PSD3: variants seen among roughly 807,000 people sequenced by gnomAD.
PSD3 encodes the protein PH and SEC7 domain-containing protein 3.
In PSD3, 49 loss-of-function variants were observed where a neutral mutation model predicts 105.5. The observed-to-expected ratio is 0.46, with a 90% CI of 0.37 to 0.59. The LOEUF (loss-of-function observed/expected upper bound fraction) is 0.59. Among genes scored for constraint, PSD3 ranks in the 20% least tolerant of loss-of-function variants. The pLI is 0.00. For synonymous variants in PSD3, 557 were observed against 457.8 expected (o/e 1.22, Z -2.77); for missense variants, 1,561 against 1,263.8 (o/e 1.24, Z -3.57).
intron 11 of PSD3, among the ~76,000 whole-genome samples, chr8:18,606,137 A>C (rs1029825968): frequency 6.6e-6 from 1 of 152,178 alleles, no homozygotes; most frequent in African/African-American, 2.4e-5. Flanking sequence ...TTATTTTGAA[A>C]AACCTGTAGA....
At chr8:18,777,234 G>A (rs1258207038) in intron 8 of PSD3, among the ~76,000 whole-genome samples, 1 of 151,966 alleles carries the variant, frequency 6.6e-6, no homozygotes, top group African/African-American at 2.4e-5. Context: ...GTAGAGACAG[G>A]GTTTCACCAT....
chr8:18,594,667 G>A (rs185528576), intron 12 of PSD3, among the ~76,000 whole-genome samples: 59 of 151,088 alleles, frequency 3.9e-4, no homozygotes, highest in African/African-American at 1.3e-3. Context: ...TTTGTTCTAG[G>A]ACCCCTGATG....
chr8:18,586,750 T>C (rs935358313), intron 12 of PSD3, among the ~76,000 whole-genome samples: 1 of 152,108 alleles, frequency 6.6e-6, no homozygotes, highest in Non-Finnish European at 1.5e-5. Context: ...ACCCCCCTCA[T>C]TTATCCCCAA....
At chr8:18,661,990 A>G (rs916367392) in intron 9 of PSD3, among the ~76,000 whole-genome samples, 1 of 147,584 alleles carries the variant, frequency 6.8e-6, no homozygotes, top group South Asian at 2.2e-4. Context: ...ACATGCTTGA[A>G]TTTTTTTTTT....
At chr8:19,081,202 G>A (rs1240492949) in intron 1 of PSD3, among the ~76,000 whole-genome samples, 1 of 151,656 alleles carries the variant, frequency 6.6e-6, no homozygotes, top group Non-Finnish European at 1.5e-5. Context: ...ACCCTGAGCT[G>A]AGACTCCACG....
chr8:18,762,881 A>T, intron 9 of PSD3: 1 of 1,226,116 alleles, frequency 8.2e-7, no homozygotes, highest in South Asian at 1.3e-5. Flanking sequence ...ACAACAAAAA[A>T]ACAGAATTTG....
chr8:18,857,910 G>T (rs969453716), intron 4 of PSD3, among the ~76,000 whole-genome samples: 2 of 152,118 alleles, frequency 1.3e-5, no homozygotes, highest in Admixed American at 6.5e-5. Context: ...AGAGCGTCAG[G>T]CACAGGCATA....
At chr8:18,803,157 C>T (rs779272088) in intron 6 of PSD3, 26 of 240,804 alleles carry the variant, frequency 1.1e-4, no homozygotes, top group Non-Finnish European at 1.8e-4. Context: ...TGTGGTGGTG[C>T]GTACCTGTAG....
intron 1 of PSD3, among the ~76,000 whole-genome samples, chr8:18,986,853 AG>A (rs1825523069): frequency 1.3e-5 from 2 of 152,166 alleles, no homozygotes; most frequent in South Asian, 4.1e-4. Flanking sequence ...CTAATCCATG[AG>A]GACTTGAGGA....
At chr8:18,937,920 G>T (rs1003185383) in intron 1 of PSD3, among the ~76,000 whole-genome samples, 2 of 152,044 alleles carry the variant, frequency 1.3e-5, no homozygotes, top group African/African-American at 2.4e-5. Context: ...AAGGCCATAC[G>T]CATGGCCTTA....
At chr8:18,704,332 A>C (rs1261244777) in intron 9 of PSD3, among the ~76,000 whole-genome samples, 1 of 152,184 alleles carries the variant, frequency 6.6e-6, no homozygotes, top group Non-Finnish European at 1.5e-5. Flanking sequence ...CTCCGTGTAT[A>C]AAGGAAAATA....
chr8:19,032,819 C>T (rs1322840912), intron 1 of PSD3, among the ~76,000 whole-genome samples: 1 of 152,040 alleles, frequency 6.6e-6, no homozygotes, highest in Non-Finnish European at 1.5e-5. Context: ...AATTACATCT[C>T]ACTTTTTGTG....
chr8:19,062,774 A>C (rs17127759), intron 1 of PSD3, among the ~76,000 whole-genome samples: 24,255 of 152,186 alleles, frequency 0.16, 3,092 homozygotes, highest in African/African-American at 0.35. Flanking sequence ...ATTGACCAAA[A>C]TCAGGTAGAT....
chr8:18,626,674 C>A (rs1181640064), intron 11 of PSD3, among the ~76,000 whole-genome samples: 4 of 152,204 alleles, frequency 2.6e-5, no homozygotes, highest in African/African-American at 9.6e-5. Context: ...TAGTGACCAT[C>A]TCTCAAAAGA....
At position 19,079,695 on chromosome 8, in the gene PSD3, C is replaced by A. The variant is rs141311463; in HGVS notation, c.324+4511G>T. ...AGGACAGACGGCTTGCAATACCGGTCCAAAATTCTGTGGTGGGAATTTGTA... is the reference window on the plus strand; with the variant it reads ...AGGACAGACGGCTTGCAATACCGGTACAAAATTCTGTGGTGGGAATTTGTA... On this transcript the variant is annotated intron_variant, in intron 1 of 1. Coordinates refer to the PSD3 transcript ENST00000521475. Among the ~76,000 whole-genome samples the A allele has an allele frequency of 3.5e-4, 53 of 152,110 alleles. 1 individual carries two copies. In the East Asian group the frequency reaches 8.9e-3, roughly 26 times the overall value.
At chr8:18,691,836 CTAAG>C (rs1283082476) in intron 9 of PSD3, among the ~76,000 whole-genome samples, 1 of 152,120 alleles carries the variant, frequency 6.6e-6, no homozygotes, top group Non-Finnish European at 1.5e-5. Context: ...AAATTATTCT[CTAAG>C]TAAAAAACAA....
chr8:18,751,023 A>T (rs1011854183), intron 9 of PSD3, among the ~76,000 whole-genome samples: 2 of 152,092 alleles, frequency 1.3e-5, no homozygotes, highest in Admixed American at 6.5e-5. Context: ...GCTGCCTGCC[A>T]GTCCTGCGCG....
At chr8:18,861,542 C>T (rs1355946578) in intron 4 of PSD3, among the ~76,000 whole-genome samples, 3 of 152,110 alleles carry the variant, frequency 2.0e-5, no homozygotes, top group African/African-American at 7.2e-5. Flanking sequence ...ACTAGGTGTC[C>T]TCCTACCAAC....
chr8:18,773,588 A>T (rs999832285), intron 8 of PSD3, among the ~76,000 whole-genome samples: 3 of 152,142 alleles, frequency 2.0e-5, no homozygotes, highest in Non-Finnish European at 2.9e-5. Context: ...AAAAAAATTA[A>T]GTCTTCCAGT....
Sources: allele counts gnomAD v4.1 joint callset (sites outside exome capture counted in the v4.1 genomes callset), GRCh38; gene constraint gnomAD v4.1.1; transcripts MANE v1.5; gene names NCBI Gene and HGNC (gene_info 2026-07-23, HGNC 2026-07-21).